The following AVEN variants were observed in gnomAD, a reference collection of about 807,000 sequenced individuals.
AVEN encodes the protein apoptosis and caspase activation inhibitor.
In AVEN, 41 loss-of-function variants were observed where a neutral mutation model predicts 38.1. The observed-to-expected ratio is 1.08, with a 90% confidence interval of 0.84 to 1.40. AVEN has a LOEUF of 1.40. Ranked by LOEUF, AVEN falls within the 40% of genes most tolerant of loss-of-function variation. The probability of loss-of-function intolerance (pLI) is 0.00; values close to 1 mark genes in which losing one functional copy is unlikely to be tolerated. For synonymous variants in AVEN, 206 were observed against 171.8 expected, an observed-to-expected ratio of 1.20 and a Z score of -1.56; for missense variants, 605 against 438.8, an observed-to-expected ratio of 1.38 and a Z score of -3.38.
At chr15:33,948,101 CT>C (rs149409619) in intron 2 of AVEN, among the ~76,000 whole-genome samples, 2,894 of 139,544 alleles carry the variant, frequency 0.021, 114 homozygotes, top group African/African-American at 0.068. Context: ...TTTTTCTTTT[CT>C]TTTTTTTTTT....
At chr15:33,993,531 C>T (rs557044701) in intron 2 of AVEN, among the ~76,000 whole-genome samples, 88 of 152,254 alleles carry the variant, frequency 5.8e-4, no homozygotes, top group African/African-American at 2.0e-3. Flanking sequence ...TGGTTCCCAC[C>T]TCTATGGTGG....
intron 2 of AVEN, among the ~76,000 whole-genome samples, chr15:33,985,793 C>T (rs537250636): frequency 2.6e-5 from 4 of 152,248 alleles, no homozygotes; most frequent in African/African-American, 9.6e-5. Context: ...TACGCAGTCA[C>T]TTAATCTTTT....
intron 2 of AVEN, among the ~76,000 whole-genome samples, chr15:33,933,614 T>C (rs974966447): frequency 6.7e-6 from 1 of 150,150 alleles, no homozygotes; most frequent in Non-Finnish European, 1.5e-5. Context: ...CTCCAGTCTC[T>C]TTTTCTCTCA....
chr15:33,986,104 G>C (rs7163380), intron 2 of AVEN, among the ~76,000 whole-genome samples: 141,439 of 151,476 alleles, frequency 0.93, 66,614 homozygotes, highest in Non-Finnish European at 1. Context: ...TTTTTTTTTT[G>C]TTTTTTGTTT....
chr15:33,933,491 T>TCACACACACA lies in AVEN; in HGVS notation c.446-57506_446-57497dup, dbSNP rs71974331. ...GTAAGCCAGGCCTGGCCTCCAACAA[T>TCACACACACA]CACACACACACACACACACACACAC... On this transcript the variant is annotated intron_variant, in intron 2 of 5. Transcript: ENST00000306730. Among the ~76,000 whole-genome samples, 635 of 68,154 alleles carry TCACACACACA rather than the reference T, an allele frequency of 9.3e-3. 23 individuals are homozygous for TCACACACACA. Among genetic ancestry groups the TCACACACACA allele is most frequent in the Middle Eastern group, 0.015 (1 of 66 alleles). The allele number at this position is 68,154 out of a possible 152,430, so 44.7% of individuals were successfully genotyped here. A position where few individuals can be genotyped will look rare whatever the true frequency, so the allele number is the denominator to read the frequency against.
intron 2 of AVEN, among the ~76,000 whole-genome samples, chr15:33,894,946 A>G (rs1299543271): frequency 6.6e-6 from 1 of 151,614 alleles, no homozygotes; most frequent in East Asian, 1.9e-4. Flanking sequence ...GATGTCATCT[A>G]TGTGATTAAA....
intron 3 of AVEN, among the ~76,000 whole-genome samples, chr15:33,871,393 C>A (rs1567387241): frequency 1.3e-5 from 2 of 152,078 alleles, no homozygotes; most frequent in African/African-American, 4.8e-5. Flanking sequence ...ATGGTGAAAC[C>A]CTGTTTCTAC....
chr15:34,036,105 T>TG (rs1024956550), intron 1 of AVEN, among the ~76,000 whole-genome samples: 2 of 108,822 alleles, frequency 1.8e-5, no homozygotes, highest in Non-Finnish European at 4.5e-5. Flanking sequence ...CAGTTTTGTG[T>TG]TTTTTTTTTA....
At chr15:34,038,689 G>A (rs1361223965) in intron 1 of AVEN, 91 bp downstream of exon 1, 2 of 1,075,876 alleles carry the variant, frequency 1.9e-6, no homozygotes, top group Non-Finnish European at 2.3e-6. Context: ...GCGCGCGCCT[G>A]GCACGCTCTC....
intron 2 of AVEN, among the ~76,000 whole-genome samples, chr15:33,905,098 C>A (rs1892645224): frequency 6.8e-6 from 1 of 146,288 alleles, no homozygotes; most frequent in Non-Finnish European, 1.5e-5. Context: ...CCGTCGCACT[C>A]CAGCCTGGGC....
chr15:33,854,428 T>G (rs982769784), downstream of AVEN: 3 of 1,575,640 alleles, frequency 1.9e-6, no homozygotes, highest in Non-Finnish European at 2.6e-6. Flanking sequence ...TCTGGAAGCT[T>G]GGAGTTGTTT....
At chr15:33,988,597 G>A (rs756894430) in intron 2 of AVEN, among the ~76,000 whole-genome samples, 7 of 152,146 alleles carry the variant, frequency 4.6e-5, no homozygotes, top group Non-Finnish European at 8.8e-5. Context: ...TGGTTGCAGG[G>A]TCACTAGTGG....
At chr15:34,038,714 T>C in intron 1 of AVEN, 66 bp downstream of exon 1, 1 of 1,117,940 alleles carries the variant, frequency 8.9e-7, no homozygotes, top group Non-Finnish European at 1.1e-6. Context: ...GGCTCTTGAC[T>C]GGCGGCCTCG....
intron 2 of AVEN, among the ~76,000 whole-genome samples, chr15:33,917,418 TAC>T (rs779672632): frequency 3.9e-4 from 57 of 147,858 alleles, no homozygotes; most frequent in Non-Finnish European, 6.5e-4. Context: ...ACTATATATA[TAC>T]ACACACTATA....
intron 2 of AVEN, among the ~76,000 whole-genome samples, chr15:33,971,801 T>C (rs1160565424): frequency 1.3e-5 from 2 of 152,108 alleles, no homozygotes; most frequent in East Asian, 3.9e-4. Flanking sequence ...TTCCTTATTA[T>C]GGTTAATTTT....
chr15:33,884,948 A>C (rs1891644970), intron 2 of AVEN, among the ~76,000 whole-genome samples: 1 of 152,208 alleles, frequency 6.6e-6, no homozygotes, highest in South Asian at 2.1e-4. Flanking sequence ...AATTGACCTG[A>C]ATCTTTGTGG....
chr15:34,001,835 C>T (rs974376804), intron 2 of AVEN, among the ~76,000 whole-genome samples: 12 of 152,054 alleles, frequency 7.9e-5, no homozygotes, highest in Admixed American at 7.9e-4. Flanking sequence ...TGCCAGCATT[C>T]AAAAATACAG....
downstream of AVEN, chr15:33,855,082 A>G: frequency 1.9e-6 from 1 of 532,206 alleles, no homozygotes; most frequent in Non-Finnish European, 3.0e-6. Flanking sequence ...ATTGTAGCCA[A>G]TTAAAAATGT....
intron 5 of AVEN, among the ~76,000 whole-genome samples, chr15:34,053,429 T>C (rs1290076709): frequency 1.3e-5 from 2 of 149,926 alleles, no homozygotes; most frequent in Non-Finnish European, 3.0e-5. Flanking sequence ...TTCCAAACTG[T>C]ACTACAAGGC....
Sources: allele counts gnomAD v4.1 joint callset (sites outside exome capture counted in the v4.1 genomes callset), GRCh38; gene constraint gnomAD v4.1.1; transcripts MANE v1.5; gene names NCBI Gene and HGNC (gene_info 2026-07-23, HGNC 2026-07-21).